Variants in SCARA5 observed in about 807,000 individuals in gnomAD.
SCARA5 encodes the protein scavenger receptor class A, member 5 (putative).
SCARA5 carries 45 observed loss-of-function variants against 46.3 expected under a neutral mutation model. That is an observed-to-expected ratio of 0.97 (90% CI 0.76 to 1.24). The LOEUF is 1.24. Ranked by LOEUF, SCARA5 falls within the 50% of genes most tolerant of loss-of-function variation. SCARA5 has a pLI of 0.00. For missense variants in SCARA5, 680 were observed against 689.0 expected (o/e 0.99, Z 0.15); for synonymous variants, 333 against 306.5 (o/e 1.09, Z -0.90).
intron 4 of SCARA5, among the ~76,000 whole-genome samples, chr8:27,918,497 G>A (rs986453484): frequency 1.7e-3 from 17 of 9,954 alleles, no homozygotes; most frequent in Non-Finnish European, 4.0e-3. Flanking sequence ...GGGCGAGGAG[G>A]AGGAAAAAGA....
chr8:27,894,002 C>T (rs929692097), intron 7 of SCARA5, among the ~76,000 whole-genome samples: 1 of 152,212 alleles, frequency 6.6e-6, no homozygotes, highest in African/African-American at 2.4e-5. Flanking sequence ...TCAGGGCCAT[C>T]CCCAAACCCA....
In SCARA5 at chr8:27,872,078, G is replaced by C. The variant is rs373563797; in HGVS notation, c.1352-8C>G. On this transcript the variant is annotated splice_region_variant and splice_polypyrimidine_tract_variant and intron_variant, in intron 8 of 8. Transcript: ENST00000354914. ...TCCAGATCCTCCCAGTGCCTGTGGA[G>C]ACAGGGAAACACAGCTATAAGCGGA... 1.2e-4 allele frequency: 196 copies of C among 1,614,042 alleles called. No homozygotes were observed. Among genetic ancestry groups the C allele is most frequent in the Non-Finnish European group, 1.6e-4 (186 of 1,179,990 alleles).
At chr8:27,934,189 G>T (rs1266312715) in intron 3 of SCARA5, among the ~76,000 whole-genome samples, 2 of 152,184 alleles carry the variant, frequency 1.3e-5, no homozygotes, top group East Asian at 1.9e-4. Flanking sequence ...CAGCTGATGG[G>T]CAGGCCTGGG....
chr8:27,937,832 T>C (rs1160970422), intron 3 of SCARA5, among the ~76,000 whole-genome samples: 1 of 152,112 alleles, frequency 6.6e-6, no homozygotes, highest in Non-Finnish European at 1.5e-5. Flanking sequence ...TGTGTCCTTA[T>C]CTCCTCTTCC....
chr8:27,988,612 A>G (rs1349589626), intron 1 of SCARA5, among the ~76,000 whole-genome samples: 3 of 152,214 alleles, frequency 2.0e-5, no homozygotes, highest in African/African-American at 7.2e-5. Flanking sequence ...TCTATGATGC[A>G]TTTACATTCC....
At chr8:27,960,554 A>C (rs1049728053) in intron 3 of SCARA5, among the ~76,000 whole-genome samples, 2 of 152,192 alleles carry the variant, frequency 1.3e-5, no homozygotes, top group Admixed American at 1.3e-4. Flanking sequence ...CAACAGCCCC[A>C]TGGGGTAGGC....
At chr8:27,877,262 A>T (rs1806740271) in intron 8 of SCARA5, among the ~76,000 whole-genome samples, 1 of 152,164 alleles carries the variant, frequency 6.6e-6, no homozygotes, top group South Asian at 2.1e-4. Context: ...CAAGGTCTTG[A>T]ATAGCACCTG....
At chr8:27,878,493 C>A (rs1316013633) in intron 8 of SCARA5, among the ~76,000 whole-genome samples, 1 of 152,194 alleles carries the variant, frequency 6.6e-6, no homozygotes, top group Admixed American at 6.5e-5. Context: ...TAAGAAGGGT[C>A]TGTGCCCCTT....
Position 27,879,652 on chromosome 8 carries a change from T to A in SCARA5, c.1268A>T (p.Asp423Val), listed in dbSNP as rs1563510563. The A allele has an allele frequency of 6.2e-7, 1 of 1,612,874 alleles. No homozygotes were observed. Among genetic ancestry groups the A allele is most frequent in the Admixed American group, 1.7e-5 (1 of 60,024 alleles). Residue 423 changes from aspartate to valine, a missense_variant, in exon 8 of 9, where the codon GAC becomes GTC. Coordinates refer to ENST00000354914, the MANE Select transcript of SCARA5 (RefSeq NM_173833.6). ...RWGTVCDDGW[D>V]KKDGDVVCRM... ...GCACACCACGTCTCCGTCCTTCTTG[T>A]CCCAGCCGTCGTCACACACGGTGCC...
At chr8:27,921,517 G>C in intron 4 of SCARA5, 54 bp downstream of exon 4, 1 of 1,457,126 alleles carries the variant, frequency 6.9e-7, no homozygotes, top group South Asian at 1.4e-5. Context: ...GCGTGCAGGA[G>C]GAAGACCCCA....
chr8:27,983,409 A>G (rs1337600502), intron 2 of SCARA5, among the ~76,000 whole-genome samples: 2 of 152,172 alleles, frequency 1.3e-5, no homozygotes, highest in African/African-American at 2.4e-5. Context: ...GGATTCCCAC[A>G]TGCCTCCTTG....
At chr8:27,905,733 C>A (rs538681431) in intron 6 of SCARA5, among the ~76,000 whole-genome samples, 29 of 131,602 alleles carry the variant, frequency 2.2e-4, no homozygotes, top group African/African-American at 8.3e-4. Flanking sequence ...GAGACAGGGT[C>A]TCACTCTGTC....
chr8:27,951,962 T>C (rs983415403), intron 3 of SCARA5, among the ~76,000 whole-genome samples: 1 of 152,084 alleles, frequency 6.6e-6, no homozygotes, highest in Non-Finnish European at 1.5e-5. Context: ...TGCAGGATAG[T>C]GTCCCCTGCA....
chr8:27,916,153 T>C (rs1183777595), intron 4 of SCARA5, among the ~76,000 whole-genome samples: 1 of 152,176 alleles, frequency 6.6e-6, no homozygotes, highest in East Asian at 1.9e-4. Context: ...CATCAAAAAC[T>C]GTATAACAAA....
chr8:27,978,024 G>GTTT (rs11357387), intron 2 of SCARA5, among the ~76,000 whole-genome samples: 27 of 106,620 alleles, frequency 2.5e-4, no homozygotes, highest in African/African-American at 3.3e-4. Flanking sequence ...TGTGTCTTTT[G>GTTT]TTTTTTTTTT....
intron 3 of SCARA5, among the ~76,000 whole-genome samples, chr8:27,948,899 G>A (rs1345765006): frequency 2.0e-5 from 3 of 152,258 alleles, no homozygotes; most frequent in Non-Finnish European, 2.9e-5. Flanking sequence ...TGTTATGGCC[G>A]TTTGTGTATA....
intron 4 of SCARA5, among the ~76,000 whole-genome samples, chr8:27,914,415 C>T (rs1385261792): frequency 6.6e-6 from 1 of 152,202 alleles, no homozygotes; most frequent in African/African-American, 2.4e-5. Flanking sequence ...TGCACAATGC[C>T]CCTGTGGGAG....
At position 27,921,559 on chromosome 8, in the gene SCARA5, G is replaced by A; in HGVS notation, c.916+12C>T. ...GGGGCCGTGGGTGGAGGCAGCAAGG[G>A]CCTGGCGGTACCTTTCGCGAGGGAG... is the stretch of plus-strand genomic sequence containing the variant. On this transcript the variant is annotated intron_variant, in intron 4 of 8. Transcript: ENST00000354914. The A allele has an allele frequency of 6.5e-7, 1 of 1,537,166 alleles. No individual in the cohort carries two copies. Among genetic ancestry groups the A allele is most frequent in the Non-Finnish European group, 8.8e-7 (1 of 1,137,650 alleles).
chr8:27,955,156 G>T (rs1021658906), intron 3 of SCARA5, among the ~76,000 whole-genome samples: 1 of 152,082 alleles, frequency 6.6e-6, no homozygotes, highest in African/African-American at 2.4e-5. Flanking sequence ...CTAGAGATGG[G>T]GATCCCTGTG....
Sources: gnomAD v4.1 joint callset for allele counts (sites outside exome capture counted in the v4.1 genomes callset) on GRCh38, gnomAD v4.1.1 for gene constraint, MANE v1.5 for transcripts, NCBI Gene and HGNC (gene_info 2026-07-23, HGNC 2026-07-21) for gene names.